Variants in CRTC3 observed in about 807,000 individuals in gnomAD.
CRTC3 encodes the protein CREB-regulated transcription coactivator 3.
A neutral mutation model predicts 74.5 loss-of-function variants in CRTC3; 26 were observed. That is an observed-to-expected ratio of 0.35 (90% confidence interval 0.26 to 0.48). CRTC3 has a LOEUF of 0.48. Ranked by LOEUF, CRTC3 falls within the 20% of genes least tolerant of loss-of-function variation. The pLI, the probability that CRTC3 is intolerant of heterozygous loss-of-function variation, is 0.99. For synonymous variants in CRTC3, 377 were observed against 325.8 expected (o/e 1.16, Z -1.69); for missense variants, 760 against 787.3 (o/e 0.97, Z 0.41).
At chr15:90,629,562 C>T (rs1555453439) in intron 11 of CRTC3, 30 bp downstream of exon 11, 2 of 1,605,892 alleles carry the variant, frequency 1.2e-6, no homozygotes, top group East Asian at 2.2e-5. Flanking sequence ...CCAACCACTA[C>T]AGTGAAACAG....
At chr15:90,531,960 TA>T (rs887364441) in intron 1 of CRTC3, among the ~76,000 whole-genome samples, 6 of 151,156 alleles carry the variant, frequency 4.0e-5, no homozygotes, top group African/African-American at 7.3e-5. Flanking sequence ...TACTTTCAAG[TA>T]AAAAAAAAGT....
rs992528748 is a variant in CRTC3 at position 90,644,762 on chromosome 15, T to G, written c.*2622T>G. On this transcript the variant is annotated 3_prime_UTR_variant, in exon 15 of 15. Transcript: ENST00000268184. ...ACGTGAGCCTGCACTCACTGCGGCCTTTGTAACAAAACCAGTTGTGGTCCT... is the reference window on the plus strand; with the variant it reads ...ACGTGAGCCTGCACTCACTGCGGCCGTTGTAACAAAACCAGTTGTGGTCCT... 1.7e-5 allele frequency: 4 copies of G among 232,452 alleles called. No individual in the cohort carries two copies. The highest frequency in any genetic ancestry group is 2.6e-5 in the Non-Finnish European group (3 of 117,586). The allele number at this position is 232,452 out of a possible 1,614,324, so 14.4% of individuals were successfully genotyped here.
At chr15:90,539,830 C>T (rs1966775047) in intron 1 of CRTC3, 3 of 543,594 alleles carry the variant, frequency 5.5e-6, no homozygotes, top group East Asian at 6.5e-5. Flanking sequence ...GTATATGGGA[C>T]ATTTGGAACA....
chr15:90,550,955 C>G (rs1966854766), intron 2 of CRTC3, among the ~76,000 whole-genome samples: 2 of 152,072 alleles, frequency 1.3e-5, no homozygotes, highest in African/African-American at 4.8e-5. Context: ...ACAAGAGAGG[C>G]TGATTCTCAT....
chr15:90,623,870 A>G (rs1245589659), intron 9 of CRTC3, among the ~76,000 whole-genome samples: 1 of 152,078 alleles, frequency 6.6e-6, no homozygotes, highest in Non-Finnish European at 1.5e-5. Context: ...TTCTGAGGGC[A>G]CACCATGTGG....
intron 11 of CRTC3, among the ~76,000 whole-genome samples, chr15:90,633,300 G>A (rs917732484): frequency 5.9e-5 from 9 of 152,150 alleles, no homozygotes; most frequent in South Asian, 2.1e-4. Context: ...ATCTCCTCTC[G>A]ACACATTCAA....
At chr15:90,619,174 C>A (rs994326853) in intron 8 of CRTC3, among the ~76,000 whole-genome samples, 2 of 152,156 alleles carry the variant, frequency 1.3e-5, no homozygotes, top group African/African-American at 4.8e-5. Context: ...AGCTCTATGT[C>A]GTCCAGACCC....
chr15:90,589,943 C>T (rs1967760880), intron 2 of CRTC3, among the ~76,000 whole-genome samples: 1 of 151,434 alleles, frequency 6.6e-6, no homozygotes, highest in Non-Finnish European at 1.5e-5. Context: ...GCCAAGATTG[C>T]ACCACACTCC....
At chr15:90,563,521 TGAG>T (rs1459561561) in intron 2 of CRTC3, among the ~76,000 whole-genome samples, 2 of 152,204 alleles carry the variant, frequency 1.3e-5, no homozygotes, top group Non-Finnish European at 2.9e-5. Context: ...AAACATTTAA[TGAG>T]GAGCAAAGCA....
chr15:90,541,845 G>A (rs1052396943), intron 2 of CRTC3, among the ~76,000 whole-genome samples: 1 of 135,900 alleles, frequency 7.4e-6, no homozygotes, highest in African/African-American at 2.8e-5. Flanking sequence ...GAGTGCAGTA[G>A]TGCAATCTCA....
rs1966606167 is a variant in CRTC3, at chr15:90,530,389, A to T, written c.132+186A>T. Reference sequence around the variant, plus strand: ...GTTTCCCCGCCTGGCGACACCCGCTAGCCGTTCGCGATCCCGGGCTGAGGT... The same window carrying T: ...GTTTCCCCGCCTGGCGACACCCGCTTGCCGTTCGCGATCCCGGGCTGAGGT... On this transcript the variant is annotated intron_variant, in intron 1 of 14. Coordinates refer to ENST00000268184, the MANE Select transcript of CRTC3 (RefSeq NM_022769.5). This position sits in a 1 kb window ranked among gnomAD's most constrained non-coding sequence, Gnocchi z 6.2. 1 of 176,888 alleles carries T rather than the reference A, an allele frequency of 5.7e-6. No homozygotes were observed. The highest frequency in any genetic ancestry group is 1.1e-5 in the Non-Finnish European group (1 of 90,664). The allele number at this position is 176,888 out of a possible 1,614,324, so 11.0% of individuals were successfully genotyped here.
rs749259963 is a variant in CRTC3, at chr15:90,641,204, G to A, written c.1651+5G>A. Reference sequence around the variant, plus strand: ...TCCCGAACACCATCCTGCCAGGTGAGCGAGCTATCCCTCAGCTTCTTTACT... The same window carrying A: ...TCCCGAACACCATCCTGCCAGGTGAACGAGCTATCCCTCAGCTTCTTTACT... On this transcript the variant is annotated splice_donor_5th_base_variant and intron_variant, in intron 14 of 14. Coordinates refer to ENST00000268184, the MANE Select transcript of CRTC3 (RefSeq NM_022769.5). The A allele has an allele frequency of 7.5e-6, 12 of 1,590,418 alleles. No homozygotes were observed. The highest frequency in any genetic ancestry group is 1.0e-5 in the Non-Finnish European group (12 of 1,158,896).
chr15:90,633,152 G>GTATAC (rs576999272), intron 11 of CRTC3, among the ~76,000 whole-genome samples: 116 of 152,246 alleles, frequency 7.6e-4, no homozygotes, highest in African/African-American at 2.6e-3. Flanking sequence ...TTGACATATA[G>GTATAC]TATACTATGA....
chr15:90,541,687 G>A (rs2151056876), intron 2 of CRTC3, among the ~76,000 whole-genome samples: 1 of 151,532 alleles, frequency 6.6e-6, no homozygotes, highest in South Asian at 2.1e-4. Flanking sequence ...CTACTTTATT[G>A]TCAACTTTAG....
chr15:90,582,563 G>GT (rs1268045757), intron 2 of CRTC3, among the ~76,000 whole-genome samples: 22 of 152,142 alleles, frequency 1.4e-4, no homozygotes, highest in Non-Finnish European at 2.1e-4. Context: ...AGTAAAAAGA[G>GT]TTTTATATCC....
At chr15:90,568,429 C>T (rs546350460) in intron 2 of CRTC3, among the ~76,000 whole-genome samples, 1 of 152,086 alleles carries the variant, frequency 6.6e-6, no homozygotes, top group Non-Finnish European at 1.5e-5. Context: ...CAGCCTACTG[C>T]AACCTCTGCC....
At chr15:90,597,860 A>T (rs918720208) in intron 3 of CRTC3, 1 of 152,302 alleles carries the variant, frequency 6.6e-6, no homozygotes, top group Admixed American at 6.5e-5. Context: ...CAAGGACTCA[A>T]AAAGATGCCA....
At chr15:90,535,156 C>T (rs1385461230) in intron 1 of CRTC3, among the ~76,000 whole-genome samples, 2 of 99,808 alleles carry the variant, frequency 2.0e-5, no homozygotes, top group African/African-American at 4.2e-5. Context: ...AGCGAAACTC[C>T]GTCTCAAAAA....
chr15:90,584,486 C>G (rs962048585), intron 2 of CRTC3, among the ~76,000 whole-genome samples: 2 of 152,222 alleles, frequency 1.3e-5, no homozygotes, highest in Admixed American at 6.5e-5. Context: ...ATCCTCCCGC[C>G]TCAGCCTCCC....
Sources: gnomAD v4.1 joint callset for allele counts (sites outside exome capture counted in the v4.1 genomes callset) on GRCh38, gnomAD v4.1.1 for gene constraint, Gnocchi (gnomAD v3.1) non-coding constraint, MANE v1.5 for transcripts, NCBI Gene and HGNC (gene_info 2026-07-23, HGNC 2026-07-21) for gene names.